Variants in USP45 observed in about 807,000 individuals in gnomAD.
USP45 encodes the protein ubiquitin carboxyl-terminal hydrolase 45.
In USP45, 89 loss-of-function variants were observed where a neutral mutation model predicts 95.8. The ratio of observed to expected loss-of-function variants is 0.93; its 90% CI spans 0.78 to 1.11. The LOEUF (loss-of-function observed/expected upper bound fraction) is 1.11. Ranked by LOEUF, USP45 falls within the 50% of genes least tolerant of loss-of-function variation. USP45 has a pLI of 0.00. For synonymous variants in USP45, 281 were observed against 316.2 expected (o/e 0.89, Z 1.18); for missense variants, 898 against 942.5 (o/e 0.95, Z 0.62).
chr6:99,505,499 C>CTA (rs1455650572), intron 4 of USP45, among the ~76,000 whole-genome samples: 1 of 151,920 alleles, frequency 6.6e-6, no homozygotes, highest in Non-Finnish European at 1.5e-5. Flanking sequence ...AATACCAACT[C>CTA]TACTAAAAAT....
At chr6:99,474,453 C>T (rs1387350616) in intron 9 of USP45, among the ~76,000 whole-genome samples, 1 of 152,190 alleles carries the variant, frequency 6.6e-6, no homozygotes, top group Non-Finnish European at 1.5e-5. Context: ...CCACCTTGGC[C>T]TCCCAGAGTG....
At chr6:99,497,597 G>T (rs1175855185) in intron 5 of USP45, among the ~76,000 whole-genome samples, 1 of 152,088 alleles carries the variant, frequency 6.6e-6, no homozygotes, top group Non-Finnish European at 1.5e-5. Flanking sequence ...ATGATAAATT[G>T]ATATTAACAT....
rs1794415986 is a variant in USP45 at position 99,488,203 on chromosome 6, C to T, written c.711G>A (p.Gln237=). The T allele has an allele frequency of 1.2e-6, 2 of 1,601,136 alleles. No individual in the cohort carries two copies. The highest frequency in any genetic ancestry group is 4.5e-5 in the East Asian group (2 of 44,700). Residue 237 remains glutamine, a synonymous_variant, in exon 7 of 18, where the codon CAG becomes CAA. Coordinates refer to ENST00000500704, the MANE Select transcript of USP45 (RefSeq NM_001346022.3). ...KLKIFPSSDS[Q]LDPLVVELSR... is the part of the protein sequence containing the mutation. ...TATTCAAACAGTTATTACTCACCAGCTGAGAGTCTGAGGAAGGAAAAATCT... is the reference window on the plus strand; with the variant it reads ...TATTCAAACAGTTATTACTCACCAGTTGAGAGTCTGAGGAAGGAAAAATCT...
chr6:99,454,284 A>C (rs900172900), intron 13 of USP45, among the ~76,000 whole-genome samples: 2 of 152,222 alleles, frequency 1.3e-5, no homozygotes, highest in African/African-American at 4.8e-5. Context: ...CTAGAATGTT[A>C]TCTCTCACCA....
intron 13 of USP45, 75 bp from the exon 14 acceptor site, chr6:99,446,538 AT>A: frequency 1.5e-6 from 2 of 1,305,596 alleles, no homozygotes; most frequent in Non-Finnish European, 2.1e-6. Flanking sequence ...ATTCTTAAAC[AT>A]ATCATAGTTA....
At chr6:99,497,916 T>C (rs910410356) in intron 5 of USP45, among the ~76,000 whole-genome samples, 1 of 152,214 alleles carries the variant, frequency 6.6e-6, no homozygotes, top group Non-Finnish European at 1.5e-5. Flanking sequence ...GTTCCCTTTT[T>C]GCCCAGATAA....
chr6:99,467,212 T>C (rs1788183847), intron 10 of USP45, among the ~76,000 whole-genome samples: 1 of 152,192 alleles, frequency 6.6e-6, no homozygotes, highest in South Asian at 2.1e-4. Flanking sequence ...AACATGGTTA[T>C]ATTTTTAAAA....
chr6:99,484,025 T>TTTTTTAA (rs1427246582), intron 7 of USP45, among the ~76,000 whole-genome samples: 1 of 145,566 alleles, frequency 6.9e-6, no homozygotes, highest in African/African-American at 2.5e-5. Context: ...TTTTTTTTTT[T>TTTTTTAA]AAAGAGACAG....
intron 2 of USP45, among the ~76,000 whole-genome samples, chr6:99,509,432 A>G (rs1799275125): frequency 2.0e-5 from 3 of 152,192 alleles, no homozygotes; most frequent in African/African-American, 7.2e-5. Context: ...GTATAGCTGT[A>G]TGCAACTATG....
chr6:99,453,977 A>G (rs1179264345), intron 13 of USP45, among the ~76,000 whole-genome samples: 1 of 152,182 alleles, frequency 6.6e-6, no homozygotes, highest in Non-Finnish European at 1.5e-5. Context: ...AAAAAAAGAA[A>G]AAAATTTGTA....
At chr6:99,445,745 TCACTAGA>T (rs2128551966) in intron 14 of USP45, 45 bp downstream of exon 14, 1 of 1,316,410 alleles carries the variant, frequency 7.6e-7, no homozygotes, top group Admixed American at 2.8e-5. Context: ...AATTTGTAAC[TCACTAGA>T]CACTATCAGG....
rs776058127 is a variant in USP45, at chr6:99,476,281, G to T, written c.846-51C>A. ...AGAAAAAAAGAATAATCATTCCATG[G>T]TTCATCAACACTCTTCTCTAAATGC... On this transcript the variant is annotated intron_variant, in intron 8 of 17. Transcript: ENST00000500704. The T allele has an allele frequency of 2.6e-6, 4 of 1,530,460 alleles. No individual in the cohort carries two copies. In the South Asian group the frequency reaches 3.4e-5, roughly 13 times the overall value. 94.8% of individuals were successfully genotyped at this position (1,530,460 alleles called of 1,614,324 possible).
At position 99,503,855 on chromosome 6, in the gene USP45, A is replaced by G. The variant is rs777582812; in HGVS notation, c.388T>C (p.Cys130Arg). 2.5e-6 allele frequency: 4 copies of G among 1,580,220 alleles called. No homozygotes were observed. The highest frequency in any genetic ancestry group is 3.4e-6 in the Non-Finnish European group (4 of 1,163,948). ...CAATGCGTTGATAATTTTTCATCAC[A>G]TTCATAACACCTGAAAAAGTATAAA... The part of the protein sequence containing the change: ...LSTWIIWCYE[C>R]DEKLSTHCNK... The change falls in exon 5 of 18, where the codon TGT (cysteine) becomes CGT (arginine). Residue 130 changes from cysteine (C) to arginine (R), a missense_variant. By Grantham distance (180) the Cys-to-Arg change is radical (BLOSUM62 -3). Transcript: ENST00000500704.
chr6:99,494,055 A>T (rs886836209), intron 5 of USP45, among the ~76,000 whole-genome samples: 1 of 152,194 alleles, frequency 6.6e-6, no homozygotes, highest in South Asian at 2.1e-4. Flanking sequence ...TTTTATTATC[A>T]TTTCTTTTGT....
chr6:99,456,363 C>G (rs1255035243), intron 13 of USP45, among the ~76,000 whole-genome samples: 1 of 152,024 alleles, frequency 6.6e-6, no homozygotes, highest in African/African-American at 2.4e-5. Context: ...ACGAGAAAAT[C>G]TGAAATGTTC....
At chr6:99,508,526 A>C (rs972426548) in intron 3 of USP45, 84 bp downstream of exon 3, 18 of 1,311,198 alleles carry the variant, frequency 1.4e-5, no homozygotes, top group Non-Finnish European at 1.9e-5. Flanking sequence ...CTTAACTCCT[A>C]TGCATGACCA....
intron 9 of USP45, among the ~76,000 whole-genome samples, chr6:99,475,432 C>T (rs1790575869): frequency 6.6e-6 from 1 of 151,528 alleles, no homozygotes; most frequent in Admixed American, 6.6e-5. Flanking sequence ...TCTCCTGCCT[C>T]AGCCTCCCAA....
rs559727827 is a variant in USP45 at position 99,493,493 on chromosome 6, T to C, written c.479-4673A>G. Among the ~76,000 whole-genome samples, 164 of 152,174 alleles carry C rather than the reference T, an allele frequency of 1.1e-3. 1 individual carries two copies. The highest frequency in any genetic ancestry group is 2.1e-3 in the Non-Finnish European group (146 of 68,020). ...ATTACTTGACATTCATGCAGGTATG[T>C]ATGTATGTATGTATGTATTTTGAGA... On this transcript the variant is annotated intron_variant, in intron 5 of 17. Coordinates refer to ENST00000500704, the MANE Select transcript of USP45 (RefSeq NM_001346022.3).
At chr6:99,491,371 G>C (rs1795132859) in intron 5 of USP45, among the ~76,000 whole-genome samples, 1 of 152,222 alleles carries the variant, frequency 6.6e-6, no homozygotes, top group African/African-American at 2.4e-5. Context: ...AGACAGAACA[G>C]TCTGCTTCTT....
Sources: gnomAD v4.1 joint callset for allele counts (sites outside exome capture counted in the v4.1 genomes callset) on GRCh38, gnomAD v4.1.1 for gene constraint, MANE v1.5 for transcripts, NCBI Gene and HGNC (gene_info 2026-07-23, HGNC 2026-07-21) for gene names.